Variants in NLGN4X observed in about 807,000 individuals in gnomAD.
NLGN4X encodes neuroligin-4, X-linked.
In NLGN4X, 3 loss-of-function variants were observed where a neutral mutation model predicts 40.3. That is an observed-to-expected ratio of 0.07 (90% CI 0.03 to 0.19). The LOEUF (loss-of-function observed/expected upper bound fraction) is 0.19, where lower values mean the gene tolerates loss of function less well. NLGN4X is among the 10% of genes least tolerant of loss of function. The pLI, the probability that NLGN4X is intolerant of heterozygous loss-of-function variation, is 1.00. For missense variants in NLGN4X, 382 were observed against 708.3 expected (o/e 0.54, Z 5.23); for synonymous variants, 270 against 306.8 (o/e 0.88, Z 1.25).
chrX:6,040,486 A>C (rs865863308), intron 2 of NLGN4X, among the ~76,000 whole-genome samples: 1 of 106,122 alleles, frequency 9.4e-6, no homozygotes, highest in Non-Finnish European at 2.0e-5. Flanking sequence ...TTAAAAAAAA[A>C]GGATTACTTA....
intron 2 of NLGN4X, among the ~76,000 whole-genome samples, chrX:6,050,817 A>G (rs1217446069): frequency 9.1e-6 from 1 of 109,646 alleles, no homozygotes; most frequent in Non-Finnish European, 1.9e-5. Context: ...CTAACTATCT[A>G]TATCTATCAA....
chrX:5,944,445 G>A (rs903413998), intron 3 of NLGN4X, among the ~76,000 whole-genome samples: 2 of 109,866 alleles, frequency 1.8e-5, no homozygotes, highest in African/African-American at 3.3e-5. Context: ...CCAGGAGTTC[G>A]AGACCAGCAT....
chrX:6,061,759 T>C (rs1271499309), intron 2 of NLGN4X: 2 of 112,111 alleles, frequency 1.8e-5, no homozygotes, highest in East Asian at 5.7e-4. Context: ...TTTTATGACC[T>C]ATTTGAATTA....
intron 5 of NLGN4X, among the ~76,000 whole-genome samples, chrX:5,895,376 C>T (rs1472553592): frequency 9.0e-6 from 1 of 111,264 alleles, no homozygotes; most frequent in African/African-American, 3.3e-5. Context: ...ATTACCCCCT[C>T]TCTTCCAATA....
At chrX:6,151,923 G>C (rs2040174630) in intron 1 of NLGN4X, among the ~76,000 whole-genome samples, 152 bp from the exon 2 acceptor site, 1 of 110,438 alleles carries the variant, frequency 9.1e-6, no homozygotes, top group Admixed American at 9.7e-5. Context: ...CACATAGTAG[G>C]CAACAGCAAG....
chrX:6,080,563 A>T (rs1239179791), intron 2 of NLGN4X, among the ~76,000 whole-genome samples: 1 of 111,726 alleles, frequency 9.0e-6, no homozygotes, highest in Admixed American at 9.5e-5. Flanking sequence ...ACTGGGTTTT[A>T]ACTCTTACTA....
In NLGN4X at chrX:5,890,380, T is replaced by C. The variant is rs1282483862; in HGVS notation, c.*2437A>G. 4.3e-6 allele frequency: 1 copy of C among 231,331 alleles called. No individual in the cohort carries two copies. The highest frequency in any genetic ancestry group is 1.3e-4 in the East Asian group (1 of 7,983). The allele number at this position is 231,331 out of a possible 1,213,427, so 19.1% of individuals were successfully genotyped here. On this transcript the variant is annotated 3_prime_UTR_variant, in exon 6 of 6. Coordinates refer to ENST00000381095, the MANE Select transcript of NLGN4X (RefSeq NM_181332.3). The stretch of plus-strand genomic sequence containing the variant: ...ATTTAAGATGTACTAAAATCACTTT[T>C]GATCATAATCCCCTGTAAAAGCTAA...
intron 3 of NLGN4X, among the ~76,000 whole-genome samples, chrX:5,925,917 TATATATATATATATA>T (rs2033292668): frequency 1.2e-4 from 7 of 59,159 alleles, no homozygotes; most frequent in African/African-American, 3.8e-4. Flanking sequence ...TATATATATA[TATATATATATATATA>T]AACCTGCGAA....
chrX:6,005,563 GA>G (rs1344002747), intron 3 of NLGN4X, among the ~76,000 whole-genome samples: 2 of 111,045 alleles, frequency 1.8e-5, no homozygotes, highest in African/African-American at 6.6e-5. Context: ...TTGATGTGCT[GA>G]ACTGAAGAAG....
At chrX:6,191,551 C>T (rs1922537052) in intron 1 of NLGN4X, among the ~76,000 whole-genome samples, 1 of 111,499 alleles carries the variant, frequency 9.0e-6, no homozygotes, top group Admixed American at 9.5e-5. Flanking sequence ...CCTGCCTCTA[C>T]TAAAAATACA....
chrX:6,164,764 G>A (rs1469048006), intron 1 of NLGN4X, among the ~76,000 whole-genome samples: 1 of 111,579 alleles, frequency 9.0e-6, no homozygotes, highest in African/African-American at 3.3e-5. Context: ...CACAACCCTG[G>A]CTAGAGTGCT....
chrX:5,990,180 C>T (rs2035644753), intron 3 of NLGN4X, among the ~76,000 whole-genome samples: 1 of 109,107 alleles, frequency 9.2e-6, no homozygotes, highest in Admixed American at 1.0e-4. Flanking sequence ...AATAAGAAGG[C>T]TTCAAGAATT....
At chrX:5,940,612 C>T (rs12832403) in intron 3 of NLGN4X, among the ~76,000 whole-genome samples, 116 of 92,097 alleles carry the variant, frequency 1.3e-3, no homozygotes, top group African/African-American at 4.4e-3. Flanking sequence ...AAAAAAAAAA[C>T]TTTTTTTTTT....
intron 1 of NLGN4X, among the ~76,000 whole-genome samples, chrX:6,167,125 G>A (rs1330913942): frequency 4.6e-5 from 5 of 108,291 alleles, no homozygotes; most frequent in African/African-American, 1.7e-4. Context: ...CCACCAGGAG[G>A]TCTTGCCTAG....
At chrX:6,218,487 C>T (rs1168558587) in intron 1 of NLGN4X, among the ~76,000 whole-genome samples, 4 of 109,092 alleles carry the variant, frequency 3.7e-5, no homozygotes, top group African/African-American at 6.8e-5. Flanking sequence ...CACACACACA[C>T]ACACACACAC....
chrX:6,210,242 T>TTGTGTGTG (rs748017875), intron 1 of NLGN4X, among the ~76,000 whole-genome samples: 5 of 94,101 alleles, frequency 5.3e-5, no homozygotes, highest in African/African-American at 1.7e-4. Flanking sequence ...GTGCGCCCGT[T>TTGTGTGTG]TGTGTGTGTG....
chrX:5,967,140 G>A (rs1416016558), intron 3 of NLGN4X, among the ~76,000 whole-genome samples: 1 of 111,260 alleles, frequency 9.0e-6, no homozygotes, highest in Non-Finnish European at 1.9e-5. Context: ...TTTTATCATG[G>A]GGGGAAGAGA....
rs886043232 is a variant in NLGN4X at position 6,029,429 on chromosome X, A to G, written c.476T>C (p.Ile159Thr). ...LNIYVPTEDD[I>T]HDQNSKKPVM... The stretch of plus-strand genomic sequence containing the variant: ...GGGCTTCTTACTGTTCTGATCATGA[A>G]TATCTGGAAAAAAAAGCCAAGTAAG... Residue 159 changes from isoleucine (I) to threonine (T), a missense_variant, in exon 3 of 6, where the codon ATT (isoleucine) becomes ACT (threonine). Physicochemically the swap from Ile to Thr is moderately conservative, Grantham distance 89. Around this residue, in one of 5 missense-constraint regions of NLGN4X, gnomAD observed 115 missense variants for 149.6 expected, o/e 0.77. Transcript: ENST00000381095. The G allele has an allele frequency of 4.1e-6, 5 of 1,210,039 alleles. No individual in the cohort carries two copies. Among genetic ancestry groups the G allele is most frequent in the African/African-American group, 1.7e-5 (1 of 57,692 alleles).
rs1439524835 is a variant in NLGN4X at position 6,064,792 on chromosome X, A to T, written c.473-35360T>A. 3.6e-5 allele frequency among the ~76,000 whole-genome samples: 4 copies of T among 111,658 alleles called. No individual in the cohort carries two copies. The Admixed American group carries it at 3.8e-4, about 11-fold the overall frequency. On this transcript the variant is annotated intron_variant, in intron 2 of 5. Transcript: ENST00000381095. ...TATCCAAAGGAATATAAATCATTCT[A>T]CCAAACAGACACATGCACCTGCATG...
Sources: allele counts gnomAD v4.1 joint callset (sites outside exome capture counted in the v4.1 genomes callset), GRCh38; gene constraint gnomAD v4.1.1; regional missense constraint gnomAD v4.1.1; transcripts MANE v1.5; gene names NCBI Gene and HGNC (gene_info 2026-07-23, HGNC 2026-07-21).